RAD51AP1: variants seen among roughly 807,000 people sequenced by gnomAD.
The protein encoded by RAD51AP1 is RAD51 associated protein 1, also known as RAD51-associated protein 1.
In RAD51AP1, 14 loss-of-function variants were observed where a neutral mutation model predicts 34.3. That is an observed-to-expected ratio of 0.41 (90% confidence interval 0.27 to 0.64). The LOEUF is 0.64. Ranked by LOEUF, RAD51AP1 falls within the 30% of genes least tolerant of loss-of-function variation. The probability of loss-of-function intolerance (pLI) is 0.33; values close to 1 mark genes in which losing one functional copy is unlikely to be tolerated. For synonymous variants in RAD51AP1, 114 were observed against 129.8 expected, an observed-to-expected ratio of 0.88 and a Z score of 0.83; for missense variants, 348 against 386.9, an observed-to-expected ratio of 0.90 and a Z score of 0.84.
rs150731220 is a variant in RAD51AP1, at chr12:4,543,971, G to A, written c.209+67G>A. 3.5e-4 allele frequency: 465 copies of A among 1,314,372 alleles called. 1 individual carries two copies. In the African/African-American group the frequency reaches 6.3e-3, roughly 18 times the overall value. The allele number at this position is 1,314,372 out of a possible 1,614,324, so 81.4% of individuals were successfully genotyped here. A position where few individuals can be genotyped will look rare whatever the true frequency, so the allele number is the denominator to read the frequency against. On this transcript the variant is annotated intron_variant, in intron 3 of 8. Coordinates refer to ENST00000352618, the MANE Select transcript of RAD51AP1 (RefSeq NM_006479.5). ...GTTAATTTTAAAGAGACACAGATTC[G>A]AACCCTTGATTTAAATTAGAACTTG...
intron 1 of RAD51AP1, among the ~76,000 whole-genome samples, chr12:4,541,374 G>A (rs984261098): frequency 2.5e-4 from 38 of 152,130 alleles, no homozygotes; most frequent in African/African-American, 8.7e-4. Flanking sequence ...ATGTTATTTG[G>A]TATGGTGGAG....
At position 4,553,112 on chromosome 12, in the gene RAD51AP1, AAG is replaced by A; in HGVS notation, c.690_691del (p.Lys231GlufsTer3). The A allele has an allele frequency of 6.3e-7, 1 of 1,590,704 alleles. No homozygotes were observed. The highest frequency in any genetic ancestry group is 8.5e-7 in the Non-Finnish European group (1 of 1,169,826). On this transcript the variant is annotated frameshift_variant, in exon 7 of 9. Transcript: ENST00000352618. LOFTEE classifies it high-confidence loss of function. Reference sequence around the variant, plus strand: ...AAGGTAAAATCCCCAGTAGAAAAGAAAGAGAAGAAATCTAAATCCAAATGTAA... The same window carrying A: ...AAGGTAAAATCCCCAGTAGAAAAGAAAGAAGAAATCTAAATCCAAATGTAA...
At chr12:4,540,128 A>T (rs1944452071) in intron 1 of RAD51AP1, among the ~76,000 whole-genome samples, 2 of 152,158 alleles carry the variant, frequency 1.3e-5, no homozygotes, top group Non-Finnish European at 2.9e-5. Context: ...GGAAAGAAAG[A>T]ATCAGAGATG....
intron 7 of RAD51AP1, among the ~76,000 whole-genome samples, chr12:4,554,071 A>T (rs1944565876): frequency 6.6e-6 from 1 of 151,898 alleles, no homozygotes; most frequent in South Asian, 2.1e-4. Context: ...TGATGACTTC[A>T]TCTGGGTTCC....
chr12:4,545,913 G>C, intron 3 of RAD51AP1: 1 of 1,503,350 alleles, frequency 6.7e-7, no homozygotes, highest in Admixed American at 1.8e-5. Context: ...TTAATTTAAT[G>C]TAAGAGCTAT....
At chr12:4,548,020 AG>A in intron 4 of RAD51AP1, 71 bp from the exon 5 acceptor site, 3 of 1,414,666 alleles carry the variant, frequency 2.1e-6, no homozygotes, top group Non-Finnish European at 2.9e-6. Flanking sequence ...ATTACATTTT[AG>A]TACTAATTTT....
intron 5 of RAD51AP1, 107 bp from the exon 6 acceptor site, chr12:4,548,580 G>T (rs930108986): frequency 7.6e-7 from 1 of 1,324,416 alleles, no homozygotes; most frequent in African/African-American, 1.5e-5. Flanking sequence ...TGGGAGGGAT[G>T]AACCTGGGCA....
intron 6 of RAD51AP1, chr12:4,550,398 T>G (rs1178862005): frequency 6.6e-6 from 1 of 152,228 alleles, no homozygotes; most frequent in Non-Finnish European, 1.5e-5. Context: ...TTGGAAAGTT[T>G]GGAGAAAGTT....
At chr12:4,548,313 C>A in intron 5 of RAD51AP1, 135 bp downstream of exon 5, 1 of 1,253,230 alleles carries the variant, frequency 8.0e-7, no homozygotes, top group Non-Finnish European at 1.1e-6. Context: ...GCCTTTATTT[C>A]TTTGTGTTTT....
chr12:4,555,213 A>T (rs1280836300), intron 7 of RAD51AP1, among the ~76,000 whole-genome samples: 1 of 152,112 alleles, frequency 6.6e-6, no homozygotes, highest in Middle Eastern at 3.2e-3. Flanking sequence ...GAACCAAAAC[A>T]TACTTCCAGG....
chr12:4,539,003 A>T (rs1177979741), intron 1 of RAD51AP1, 47 bp downstream of exon 1: 3 of 1,596,026 alleles, frequency 1.9e-6, no homozygotes, highest in Non-Finnish European at 2.6e-6. Context: ...AAACTAAGGG[A>T]AAAGACATGA....
At chr12:4,552,307 C>CT (rs1046227831) in intron 6 of RAD51AP1, among the ~76,000 whole-genome samples, 9 of 152,130 alleles carry the variant, frequency 5.9e-5, no homozygotes, top group African/African-American at 1.9e-4. Context: ...TTAGGAAATG[C>CT]TTTTTTCTAG....
At chr12:4,543,174 C>T (rs567811354) in intron 2 of RAD51AP1, among the ~76,000 whole-genome samples, 2 of 152,274 alleles carry the variant, frequency 1.3e-5, no homozygotes, top group African/African-American at 4.8e-5. Context: ...GATTCTCCCA[C>T]CTCACCTCCT....
At chr12:4,545,715 A>G in intron 3 of RAD51AP1, 1 of 1,567,736 alleles carries the variant, frequency 6.4e-7, no homozygotes, top group Non-Finnish European at 8.7e-7. Context: ...ATAGGACTTT[A>G]TAGTCTGCCT....
chr12:4,559,073 A>C lies in RAD51AP1; in HGVS notation c.*80A>C. ...TATATTTGATTTGTGTTTATATTTG[A>C]GGCAGGTATTGTAATATAAAGGAAT... On this transcript the variant is annotated 3_prime_UTR_variant, in exon 9 of 9. Transcript: ENST00000352618. The C allele has an allele frequency of 2.6e-6, 4 of 1,518,946 alleles. No individual in the cohort carries two copies. Among genetic ancestry groups the C allele is most frequent in the Admixed American group, 1.8e-5 (1 of 56,120 alleles). The allele number at this position is 1,518,946 out of a possible 1,614,324, so 94.1% of individuals were successfully genotyped here.
At chr12:4,554,958 GTATATGGC>G (rs1438857629) in intron 7 of RAD51AP1, among the ~76,000 whole-genome samples, 1 of 152,178 alleles carries the variant, frequency 6.6e-6, no homozygotes, top group African/African-American at 2.4e-5. Context: ...CACAGTAACT[GTATATGGC>G]TAGCGGCTAC....
chr12:4,548,049 A>G lies in RAD51AP1; in HGVS notation c.320-43A>G, dbSNP rs778623694. The G allele has an allele frequency of 3.2e-6, 5 of 1,543,706 alleles. No individual in the cohort carries two copies. The Admixed American group carries it at 6.6e-5, about 20-fold the overall frequency. On this transcript the variant is annotated intron_variant, in intron 4 of 8. Transcript: ENST00000352618. ...CTAATTTTCCTATATCTAGACATTG[A>G]TTAAGATATATCTGAATTTTCTTTC...
rs771478451 is a variant in RAD51AP1 at position 4,553,125 on chromosome 12, T to C, written c.699T>C (p.Ser233=). 23 of 1,584,696 alleles carry C rather than the reference T, an allele frequency of 1.5e-5. No homozygotes were observed. In the East Asian group the frequency reaches 5.2e-4, roughly 36 times the overall value. The change falls in exon 7 of 9, where the codon TCT becomes TCC. Residue 233 remains serine (S), a synonymous_variant. Coordinates refer to ENST00000352618, the MANE Select transcript of RAD51AP1 (RefSeq NM_006479.5). ...CAGTAGAAAAGAAAGAGAAGAAATCTAAATCCAAATGTAATGCTTTGGGTA... is the reference window on the plus strand; with the variant it reads ...CAGTAGAAAAGAAAGAGAAGAAATCCAAATCCAAATGTAATGCTTTGGGTA... ...KSPVEKKEKK[S]KSKCNALVTS...
At chr12:4,551,438 T>A (rs1944545582) in intron 6 of RAD51AP1, among the ~76,000 whole-genome samples, 2 of 143,892 alleles carry the variant, frequency 1.4e-5, no homozygotes, top group South Asian at 4.3e-4. Context: ...GAGGTTGCAG[T>A]GAGCCAGGAT....
Sources: gnomAD v4.1 joint callset for allele counts (sites outside exome capture counted in the v4.1 genomes callset) on GRCh38, gnomAD v4.1.1 for gene constraint, MANE v1.5 for transcripts, NCBI Gene and HGNC (gene_info 2026-07-23, HGNC 2026-07-21) for gene names.